Variants in ANO3 observed in about 807,000 individuals in gnomAD.
ANO3 encodes anoctamin 3.
Under a neutral mutation model 144.8 loss-of-function variants are expected in ANO3, and 99 were observed. The observed-to-expected ratio is 0.68, with a 90% confidence interval of 0.58 to 0.81. The LOEUF (loss-of-function observed/expected upper bound fraction) is 0.81. Among genes scored for constraint, ANO3 ranks in the 30% least tolerant of loss-of-function variants. The probability of loss-of-function intolerance (pLI) is 0.00; values close to 1 mark genes in which losing one functional copy is unlikely to be tolerated. For synonymous variants in ANO3, 414 were observed against 392.6 expected (o/e 1.05, Z -0.64); for missense variants, 905 against 1,202.2 (o/e 0.75, Z 3.66).
intron 1 of ANO3, among the ~76,000 whole-genome samples, chr11:26,332,968 T>C (rs903503450): frequency 6.6e-6 from 1 of 152,192 alleles, no homozygotes; most frequent in African/African-American, 2.4e-5. Context: ...AATCTGTATG[T>C]TCAAGTTATC....
intron 1 of ANO3, among the ~76,000 whole-genome samples, chr11:26,338,916 A>G (rs1855273636): frequency 6.6e-6 from 1 of 152,368 alleles, no homozygotes; most frequent in East Asian, 1.9e-4. Context: ...TCTTGAAGTC[A>G]GCGAGACCAA....
At chr11:26,430,537 TA>T (rs547866254) in intron 1 of ANO3, among the ~76,000 whole-genome samples, 15 of 151,902 alleles carry the variant, frequency 9.9e-5, no homozygotes, top group Non-Finnish European at 2.2e-4. Flanking sequence ...TTGACATCAA[TA>T]AAAATGGAAG....
At chr11:26,618,297 TA>T (rs1159341607) in intron 17 of ANO3, among the ~76,000 whole-genome samples, 1 of 152,178 alleles carries the variant, frequency 6.6e-6, no homozygotes, top group Non-Finnish European at 1.5e-5. Flanking sequence ...AGTTCTTACT[TA>T]TTTCTTTTAT....
intron 1 of ANO3, among the ~76,000 whole-genome samples, chr11:26,300,924 A>C (rs1415714168): frequency 5.3e-5 from 7 of 133,126 alleles, no homozygotes; most frequent in African/African-American, 2.1e-4. Context: ...TGCAATTTCC[A>C]CTCACTGCCA....
At chr11:26,474,479 A>G (rs185394196) in intron 4 of ANO3, among the ~76,000 whole-genome samples, 14 of 151,886 alleles carry the variant, frequency 9.2e-5, no homozygotes, top group African/African-American at 2.6e-4. Context: ...AATTTTTCTT[A>G]ATAATTTTAT....
At chr11:26,489,549 T>C (rs2134103645) in intron 4 of ANO3, among the ~76,000 whole-genome samples, 1 of 152,156 alleles carries the variant, frequency 6.6e-6, no homozygotes, top group East Asian at 1.9e-4. Flanking sequence ...ACCAACAGCT[T>C]GTACCATGTG....
At chr11:26,382,659 C>T (rs926642529) in intron 1 of ANO3, among the ~76,000 whole-genome samples, 3 of 152,150 alleles carry the variant, frequency 2.0e-5, no homozygotes, top group Admixed American at 6.5e-5. Flanking sequence ...AAGCCCACTT[C>T]TGTCTGTTCG....
intron 1 of ANO3, among the ~76,000 whole-genome samples, chr11:26,397,269 T>C (rs867589607): frequency 1.6e-4 from 24 of 152,096 alleles, no homozygotes; most frequent in African/African-American, 4.3e-4. Context: ...TGTTTTTATA[T>C]GTACATGTAT....
intron 1 of ANO3, among the ~76,000 whole-genome samples, chr11:26,283,735 T>C (rs182426617): frequency 1.7e-4 from 26 of 152,198 alleles, no homozygotes; most frequent in Admixed American, 2.6e-4. Context: ...AGAAATCTAA[T>C]GGTTAACAAG....
At chr11:26,412,795 A>AGTGTGTGTGT (rs60855252) in intron 1 of ANO3, among the ~76,000 whole-genome samples, 15,825 of 139,952 alleles carry the variant, frequency 0.11, 969 homozygotes, top group East Asian at 0.15. Context: ...GAGAAAGGAA[A>AGTGTGTGTGT]GTGTGTGTGT....
intron 1 of ANO3, among the ~76,000 whole-genome samples, chr11:26,207,728 C>CAATA (rs555726762): frequency 0.3 from 45,708 of 151,812 alleles, 7,580 homozygotes; most frequent in Non-Finnish European, 0.37. Context: ...AACTAGATTA[C>CAATA]AGTAAAACTG....
chr11:26,262,801 G>C (rs1048424148), intron 1 of ANO3, among the ~76,000 whole-genome samples: 1 of 151,966 alleles, frequency 6.6e-6, no homozygotes, highest in African/African-American at 2.4e-5. Flanking sequence ...GAAGATGGCT[G>C]CCTGCAAACC....
chr11:26,624,418 A>G, intron 17 of ANO3, 44 bp from the exon 18 acceptor site: 1 of 1,453,118 alleles, frequency 6.9e-7, no homozygotes, highest in South Asian at 1.2e-5. Context: ...AGCCTTTTCC[A>G]AAAGAGAGGA....
chr11:26,237,676 C>T (rs1298778324), intron 1 of ANO3, among the ~76,000 whole-genome samples: 1 of 151,868 alleles, frequency 6.6e-6, no homozygotes, highest in East Asian at 1.9e-4. Context: ...AACATTATTC[C>T]TTGACTCTTT....
chr11:26,655,660 G>T (rs1393804838), intron 24 of ANO3, among the ~76,000 whole-genome samples: 1 of 151,968 alleles, frequency 6.6e-6, no homozygotes, highest in Admixed American at 6.6e-5. Context: ...TGCCTGTTTT[G>T]TTCACTGTTA....
At chr11:26,374,958 G>C (rs934964103) in intron 1 of ANO3, among the ~76,000 whole-genome samples, 1 of 152,088 alleles carries the variant, frequency 6.6e-6, no homozygotes, top group African/African-American at 2.4e-5. Flanking sequence ...TGGCCAGGCT[G>C]GTCTTTAACT....
chr11:26,648,225 C>A (rs891064736), intron 24 of ANO3, among the ~76,000 whole-genome samples: 124 of 152,124 alleles, frequency 8.2e-4, no homozygotes, highest in African/African-American at 2.8e-3. Flanking sequence ...ACTGGCTAAT[C>A]AAACTGCTGA....
At chr11:26,309,054 C>T (rs964089813), upstream of ANO3, among the ~76,000 whole-genome samples, 1 of 152,116 alleles carries the variant, frequency 6.6e-6, no homozygotes, top group Non-Finnish European at 1.5e-5. Flanking sequence ...GGATTGCACA[C>T]ATTTCCATAG....
chr11:26,256,323 T>C (rs1853055848), intron 1 of ANO3, among the ~76,000 whole-genome samples: 1 of 152,140 alleles, frequency 6.6e-6, no homozygotes, highest in Admixed American at 6.6e-5. Context: ...AATGGATCAA[T>C]AAAACCCCAC....
Sources: allele counts gnomAD v4.1 joint callset (sites outside exome capture counted in the v4.1 genomes callset), GRCh38; gene constraint gnomAD v4.1.1; transcripts MANE v1.5; gene names NCBI Gene and HGNC (gene_info 2026-07-23, HGNC 2026-07-21).